QSER1: variants seen among roughly 807,000 people sequenced by gnomAD.
QSER1 encodes glutamine and serine rich 1.
A neutral mutation model predicts 158.5 loss-of-function variants in QSER1; 49 were observed. That is an observed-to-expected ratio of 0.31 (90% CI 0.25 to 0.39). QSER1 has a LOEUF of 0.39. QSER1 is among the 10% of genes least tolerant of loss of function. The pLI, the probability that QSER1 is intolerant of heterozygous loss-of-function variation, is 1.00. For synonymous variants in QSER1, 650 were observed against 715.5 expected (o/e 0.91, Z 1.46); for missense variants, 1,754 against 2,010.3 (o/e 0.87, Z 2.44).
chr11:32,955,361 A>G lies in QSER1; in HGVS notation c.4566A>G (p.Lys1522=), dbSNP rs1293464739. The change falls in exon 6 of 13, where the codon AAA becomes AAG. Residue 1522 remains lysine (K), a synonymous_variant. Coordinates refer to ENST00000650167, the MANE Select transcript of QSER1 (RefSeq NM_001076786.3). ...AAGTACAAAAAGCTTTATTACAGAA[A>G]TTTGTTCCTGAAATTCGAGATGGTC... ...IWKVQKALLQ[K]FVPEIRDGQR... 1 of 1,601,620 alleles carries G rather than the reference A, an allele frequency of 6.2e-7. No homozygotes were observed. Among genetic ancestry groups the G allele is most frequent in the Non-Finnish European group, 8.5e-7 (1 of 1,176,442 alleles).
At chr11:32,907,995 G>T (rs969526254) in intron 1 of QSER1, among the ~76,000 whole-genome samples, 1 of 152,166 alleles carries the variant, frequency 6.6e-6, no homozygotes, top group Non-Finnish European at 1.5e-5. Flanking sequence ...AGCTACTCAG[G>T]TGGCTGAGGC....
intron 1 of QSER1, among the ~76,000 whole-genome samples, chr11:32,902,100 A>T (rs1055237753): frequency 1.3e-5 from 2 of 152,196 alleles, no homozygotes; most frequent in Non-Finnish European, 2.9e-5. Context: ...CAACAAAAAA[A>T]TCCACATAAA....
At position 32,932,856 on chromosome 11, in the gene QSER1, C is replaced by T. The variant is rs756082395; in HGVS notation, c.1598C>T (p.Ser533Leu). 1 of 1,614,044 alleles carries T rather than the reference C, an allele frequency of 6.2e-7. No homozygotes were observed. The highest frequency in any genetic ancestry group is 1.3e-5 in the African/African-American group (1 of 75,024). Residue 533 changes from serine to leucine, a missense_variant, in exon 4 of 13, where the codon TCA becomes TTA. By Grantham distance (145) the Ser-to-Leu change is moderately radical (BLOSUM62 -2). Transcript: ENST00000650167. The stretch of plus-strand genomic sequence containing the variant: ...TCTAATCAGCAAGAGGTATTGTCTT[C>T]AGTTACAAATGAGAATTACCCTGCT... ...YSSNQQEVLS[S>L]VTNENYPAQT...
At chr11:32,972,656 G>A (rs1187547314) in intron 10 of QSER1, among the ~76,000 whole-genome samples, 3 of 152,020 alleles carry the variant, frequency 2.0e-5, no homozygotes, top group East Asian at 1.9e-4. Context: ...GGCTGGTCTC[G>A]AACTCCTGGC....
chr11:32,917,496 G>A (rs1851847586), intron 1 of QSER1, among the ~76,000 whole-genome samples: 1 of 152,114 alleles, frequency 6.6e-6, no homozygotes. Context: ...AATGTCAAAT[G>A]TAATCTTTAT....
intron 1 of QSER1, among the ~76,000 whole-genome samples, chr11:32,900,679 T>C (rs1257077076): frequency 6.6e-6 from 1 of 152,244 alleles, no homozygotes; most frequent in Non-Finnish European, 1.5e-5. Flanking sequence ...CCATACTGGC[T>C]TTACTTCTGT....
intron 9 of QSER1, 95 bp from the exon 10 acceptor site, chr11:32,968,951 T>G: frequency 1.5e-6 from 1 of 648,112 alleles, no homozygotes; most frequent in African/African-American, 1.9e-5. Context: ...ATGAATTTAG[T>G]GTATTTTAAT....
chr11:32,922,761 A>G (rs1851915247), intron 1 of QSER1, among the ~76,000 whole-genome samples: 1 of 151,908 alleles, frequency 6.6e-6, no homozygotes, highest in African/African-American at 2.4e-5. Context: ...CTGGGATTAT[A>G]GGCGTGAGCC....
intron 4 of QSER1, among the ~76,000 whole-genome samples, chr11:32,946,605 G>A (rs1290084643): frequency 3.9e-5 from 6 of 152,202 alleles, no homozygotes; most frequent in East Asian, 3.9e-4. Context: ...CTCCAGCTGC[G>A]TACTGGGAGA....
intron 12 of QSER1, 117 bp from the exon 13 acceptor site, chr11:32,976,217 C>A: frequency 2.2e-6 from 2 of 911,414 alleles, no homozygotes; most frequent in Non-Finnish European, 3.1e-6. Context: ...CCAAATTTAG[C>A]TGAAATAATC....
chr11:32,915,810 T>C (rs1851823299), intron 1 of QSER1, among the ~76,000 whole-genome samples: 1 of 152,220 alleles, frequency 6.6e-6, no homozygotes, highest in Non-Finnish European at 1.5e-5. Flanking sequence ...CCATAAAAGA[T>C]TGAATACATG....
At chr11:32,949,732 G>T (rs1468323629) in intron 4 of QSER1, among the ~76,000 whole-genome samples, 1 of 152,198 alleles carries the variant, frequency 6.6e-6, no homozygotes, top group Non-Finnish European at 1.5e-5. Flanking sequence ...GGCTCCTAAC[G>T]TGATTAGAAT....
At chr11:32,969,882 AC>A (rs1272134712) in intron 10 of QSER1, among the ~76,000 whole-genome samples, 2 of 151,782 alleles carry the variant, frequency 1.3e-5, no homozygotes, top group Non-Finnish European at 1.5e-5. Context: ...ACAGGATTTT[AC>A]CATGTTGGCC....
chr11:32,934,981 G>A lies in QSER1; in HGVS notation c.3723G>A (p.Pro1241=), dbSNP rs756378300. Residue 1241 remains proline, a synonymous_variant, in exon 4 of 13, where the codon CCG becomes CCA. Transcript: ENST00000650167. ...QNPRGTDIYL[P]YTPPSSESCH... ...CAAGGGGAACAGATATTTACTTACC[G>A]TATACTCCTCCTTCCTCAGAAAGCT... 1.5e-5 allele frequency: 25 copies of A among 1,614,004 alleles called. No individual in the cohort carries two copies. The highest frequency in any genetic ancestry group is 1.1e-4 in the East Asian group (5 of 44,900).
chr11:32,960,410 T>G (rs1229732590), intron 8 of QSER1, among the ~76,000 whole-genome samples: 1 of 151,662 alleles, frequency 6.6e-6, no homozygotes, highest in Non-Finnish European at 1.5e-5. Flanking sequence ...TACAAAAAAA[T>G]TAGCCAGGTG....
chr11:32,971,445 G>A (rs192292086), intron 10 of QSER1, among the ~76,000 whole-genome samples: 1 of 152,072 alleles, frequency 6.6e-6, no homozygotes, highest in Admixed American at 6.5e-5. Flanking sequence ...AGCATTTTGT[G>A]GTCATTGGAA....
At chr11:32,901,784 C>T (rs1851628874) in intron 1 of QSER1, among the ~76,000 whole-genome samples, 1 of 152,186 alleles carries the variant, frequency 6.6e-6, no homozygotes. Context: ...AGTCTCTCCA[C>T]TCTAAAGGAT....
At chr11:32,925,814 C>T (rs1407387259) in intron 1 of QSER1, among the ~76,000 whole-genome samples, 7 of 152,060 alleles carry the variant, frequency 4.6e-5, no homozygotes, top group Non-Finnish European at 1.0e-4. Flanking sequence ...AGGCATGAGC[C>T]ACCACAACAG....
At chr11:32,957,392 C>T (rs1318420493) in intron 7 of QSER1, among the ~76,000 whole-genome samples, 1 of 152,088 alleles carries the variant, frequency 6.6e-6, no homozygotes, top group African/African-American at 2.4e-5. Flanking sequence ...CCACCCACCT[C>T]AGCCTCCCAA....
Sources: gnomAD v4.1 joint callset for allele counts (sites outside exome capture counted in the v4.1 genomes callset) on GRCh38, gnomAD v4.1.1 for gene constraint, MANE v1.5 for transcripts, NCBI Gene and HGNC (gene_info 2026-07-23, HGNC 2026-07-21) for gene names.